The following AGAP1 variants were observed in gnomAD, a reference collection of about 807,000 sequenced individuals.
The protein encoded by AGAP1 is ArfGAP with GTPase domain, ankyrin repeat and PH domain 1.
Under a neutral mutation model 105.3 loss-of-function variants are expected in AGAP1, and 29 were observed. The ratio of observed to expected loss-of-function variants is 0.28; its 90% CI spans 0.21 to 0.38. The LOEUF (loss-of-function observed/expected upper bound fraction) is 0.38. AGAP1 is among the 10% of genes least tolerant of loss of function. AGAP1 has a pLI of 1.00. For missense variants in AGAP1, 998 were observed against 1,165.1 expected (o/e 0.86, Z 2.09); for synonymous variants, 509 against 485.9 (o/e 1.05, Z -0.63).
intron 12 of AGAP1, among the ~76,000 whole-genome samples, chr2:235,946,920 A>C (rs1465922616): frequency 6.6e-6 from 1 of 152,052 alleles, no homozygotes; most frequent in African/African-American, 2.4e-5. Flanking sequence ...TTCTGACCCC[A>C]GTTTAAACGT....
intron 6 of AGAP1, among the ~76,000 whole-genome samples, chr2:235,762,795 C>T (rs958437384): frequency 9.2e-5 from 14 of 152,096 alleles, no homozygotes; most frequent in African/African-American, 2.9e-4. Context: ...ATTGCTTGGA[C>T]CCAGGAGGCA....
chr2:235,593,017 A>AG (rs1945403057), intron 1 of AGAP1, among the ~76,000 whole-genome samples: 1 of 152,190 alleles, frequency 6.6e-6, no homozygotes, highest in South Asian at 2.1e-4. Context: ...AATGAGCGTT[A>AG]GGTGACCCTG....
chr2:235,826,553 G>C (rs1959079435), intron 9 of AGAP1, among the ~76,000 whole-genome samples: 2 of 151,932 alleles, frequency 1.3e-5, no homozygotes, highest in South Asian at 4.2e-4. Context: ...AGGTTCAAGT[G>C]ATTCTCCTGC....
chr2:235,898,479 C>CG (rs1357771493), intron 10 of AGAP1, among the ~76,000 whole-genome samples: 13 of 131,422 alleles, frequency 9.9e-5, no homozygotes, highest in African/African-American at 3.6e-4. Flanking sequence ...GGTTCCCCCC[C>CG]CCACCCCCAC....
intron 6 of AGAP1, among the ~76,000 whole-genome samples, chr2:235,774,701 A>T (rs184187112): frequency 6.6e-6 from 1 of 152,354 alleles, no homozygotes; most frequent in Admixed American, 6.5e-5. Flanking sequence ...CTTTGATTCC[A>T]ATCAGAGATT....
At chr2:235,697,219 T>C (rs539706619) in intron 1 of AGAP1, among the ~76,000 whole-genome samples, 1 of 152,198 alleles carries the variant, frequency 6.6e-6, no homozygotes, top group East Asian at 1.9e-4. Flanking sequence ...ATTTCACAGA[T>C]GAAGAGATTA....
intron 13 of AGAP1, among the ~76,000 whole-genome samples, chr2:235,974,617 G>A (rs995463970): frequency 5.9e-5 from 9 of 152,216 alleles, no homozygotes; most frequent in Admixed American, 5.9e-4. Flanking sequence ...AGATTCTCCT[G>A]TAGAGGGTAA....
intron 9 of AGAP1, among the ~76,000 whole-genome samples, chr2:235,857,781 A>G (rs1172238581): frequency 3.9e-5 from 6 of 152,254 alleles, no homozygotes; most frequent in African/African-American, 1.4e-4. Context: ...CTGATTTGCA[A>G]GAATGTAGTA....
rs1943755958 is a variant in AGAP1 at position 235,550,088 on chromosome 2, A to G, written c.163+55239A>G. Among the ~76,000 whole-genome samples, 1 of 152,176 alleles carries G rather than the reference A, an allele frequency of 6.6e-6. No individual in the cohort carries two copies. Among genetic ancestry groups the G allele is most frequent in the Non-Finnish European group, 1.5e-5 (1 of 68,034 alleles). On this transcript the variant is annotated intron_variant, in intron 1 of 17. Transcript: ENST00000304032. The surrounding 1 kb of genome is among the most constrained non-coding windows in gnomAD (Gnocchi z 4.6). ...AGGACGGGTAGGGTTGCTGCTTCAG[A>G]GATCAAGTGGCATGTCCACATCTGG... is the stretch of plus-strand genomic sequence containing the variant.
chr2:236,070,071 T>A (rs1385437852), intron 16 of AGAP1, among the ~76,000 whole-genome samples: 3 of 152,262 alleles, frequency 2.0e-5, no homozygotes, highest in Non-Finnish European at 2.9e-5. Flanking sequence ...ATCTGCTGGC[T>A]GTGGCGCTGT....
chr2:235,836,568 C>T (rs1176007837), intron 9 of AGAP1, among the ~76,000 whole-genome samples: 4 of 152,212 alleles, frequency 2.6e-5, no homozygotes, highest in Non-Finnish European at 4.4e-5. Context: ...GGCGCTTAGC[C>T]GGGAAGTGGA....
chr2:235,932,649 G>A (rs565040575), intron 12 of AGAP1, among the ~76,000 whole-genome samples: 1 of 152,280 alleles, frequency 6.6e-6, no homozygotes, highest in Non-Finnish European at 1.5e-5. Context: ...AATAATACAG[G>A]TGTTTAAGTA....
intron 16 of AGAP1, among the ~76,000 whole-genome samples, chr2:236,115,506 G>A (rs1213451853): frequency 9.9e-5 from 15 of 152,226 alleles, no homozygotes; most frequent in Admixed American, 9.8e-4. Context: ...ATTGCAGAAA[G>A]TACAGGGAGC....
At chr2:235,886,305 G>A (rs1245899811) in intron 10 of AGAP1, among the ~76,000 whole-genome samples, 1 of 152,226 alleles carries the variant, frequency 6.6e-6, no homozygotes, top group Non-Finnish European at 1.5e-5. Context: ...AGAGCTGATG[G>A]ATGATACATT....
In AGAP1 at chr2:236,109,280, C is replaced by T. The variant is rs1004315160; in HGVS notation, c.2115-10912C>T. 6.6e-6 allele frequency among the ~76,000 whole-genome samples: 1 copy of T among 152,188 alleles called. No homozygotes were observed. Reference sequence around the variant, plus strand: ...CTCAGCTGCCTGGTCAGCCTGACCCCGCCCTGCCGAGCACCTCATTCCCGG... The same window carrying T: ...CTCAGCTGCCTGGTCAGCCTGACCCTGCCCTGCCGAGCACCTCATTCCCGG... On this transcript the variant is annotated intron_variant, in intron 16 of 17. Coordinates refer to ENST00000304032, the MANE Select transcript of AGAP1 (RefSeq NM_001037131.3). This position sits in a 1 kb window ranked among gnomAD's most constrained non-coding sequence, Gnocchi z 5.4.
intron 15 of AGAP1, among the ~76,000 whole-genome samples, chr2:236,048,220 G>A (rs575103530): frequency 1.8e-4 from 27 of 152,336 alleles, no homozygotes; most frequent in South Asian, 1.4e-3. Context: ...AGATTCTAGC[G>A]TGAAGTCAAC....
At chr2:235,561,146 C>T (rs1439986274) in intron 1 of AGAP1, among the ~76,000 whole-genome samples, 5 of 152,146 alleles carry the variant, frequency 3.3e-5, no homozygotes, top group South Asian at 2.1e-4. Flanking sequence ...ACTGCCTCCT[C>T]GCCTGTGCTC....
chr2:235,494,712 A>G lies in AGAP1; in HGVS notation c.26A>G (p.Asn9Ser), dbSNP rs774981992. The change falls in exon 1 of 18, where the codon AAC becomes AGC. Residue 9 changes from asparagine to serine, a missense_variant. This residue lies in a region of AGAP1 where 735 missense variants were observed against 833.4 expected (regional missense o/e 0.88). Transcript: ENST00000304032. MNYQQQLA[N>S]SAAIRAEIQR... is the part of the protein sequence containing the mutation. Reference sequence around the variant, plus strand: ...ATGAACTACCAGCAGCAGCTGGCCAACTCGGCTGCCATCCGGGCCGAGATC... The same window carrying G: ...ATGAACTACCAGCAGCAGCTGGCCAGCTCGGCTGCCATCCGGGCCGAGATC... 2.6e-6 allele frequency: 4 copies of G among 1,550,786 alleles called. No individual in the cohort carries two copies. The African/African-American group carries it at 5.8e-5, about 22-fold the overall frequency.
intron 6 of AGAP1, among the ~76,000 whole-genome samples, chr2:235,785,999 G>T (rs566940300): frequency 7.7e-4 from 118 of 152,296 alleles, no homozygotes; most frequent in African/African-American, 2.6e-3. Context: ...AAGAATTGCC[G>T]GGTGAGCCTT....
Sources: allele counts gnomAD v4.1 joint callset (sites outside exome capture counted in the v4.1 genomes callset), GRCh38; gene constraint gnomAD v4.1.1; regional missense constraint gnomAD v4.1.1; non-coding constraint Gnocchi (gnomAD v3.1); transcripts MANE v1.5; gene names NCBI Gene and HGNC (gene_info 2026-07-23, HGNC 2026-07-21).